The following ALPK3 variants were observed in gnomAD, a reference collection of about 807,000 sequenced individuals.
ALPK3 encodes the protein alpha kinase 3, also known as alpha-protein kinase 3.
In ALPK3, 102 loss-of-function variants were observed where a neutral mutation model predicts 140.0. The observed-to-expected ratio is 0.73, with a 90% CI of 0.62 to 0.86. ALPK3 has a LOEUF of 0.86. Ranked by LOEUF, ALPK3 falls within the 40% of genes least tolerant of loss-of-function variation. The pLI is 0.00. For synonymous variants in ALPK3, 938 were observed against 898.5 expected (o/e 1.04, Z -0.79); for missense variants, 2,254 against 2,208.2 (o/e 1.02, Z -0.42).
intron 5 of ALPK3, among the ~76,000 whole-genome samples, chr15:84,849,119 G>A (rs146243892): frequency 6.6e-5 from 10 of 151,796 alleles, no homozygotes; most frequent in African/African-American, 2.4e-4. Context: ...TCCAGCCTGG[G>A]CAACAAGAGT....
At chr15:84,821,176 G>A (rs1173120018) in intron 1 of ALPK3, among the ~76,000 whole-genome samples, 1 of 152,206 alleles carries the variant, frequency 6.6e-6, no homozygotes, top group African/African-American at 2.4e-5. Flanking sequence ...GGCCCAGCCA[G>A]CAGGGCACAG....
rs926807803 is a variant in ALPK3, at chr15:84,840,165, A to G, written c.886A>G (p.Ile296Val). 5 of 1,613,744 alleles carry G rather than the reference A, an allele frequency of 3.1e-6. No individual in the cohort carries two copies. Among genetic ancestry groups the G allele is most frequent in the Admixed American group, 1.7e-5 (1 of 59,966 alleles). ...EDGEHGLLTY[I>V]CDAMELGPQR... Reference sequence around the variant, plus strand: ...CGGAGAGCATGGCTTGCTGACATACATCTGTGACGCCATGGAGCTGGGGCC... The same window carrying G: ...CGGAGAGCATGGCTTGCTGACATACGTCTGTGACGCCATGGAGCTGGGGCC... Residue 296 changes from isoleucine (I) to valine (V), a missense_variant, in exon 5 of 14, where the codon ATC becomes GTC. Coordinates refer to ENST00000258888, the MANE Select transcript of ALPK3 (RefSeq NM_020778.5).
intron 1 of ALPK3, among the ~76,000 whole-genome samples, chr15:84,818,401 G>A (rs987376352): frequency 1.3e-5 from 2 of 152,212 alleles, no homozygotes; most frequent in African/African-American, 4.8e-5. Context: ...ACAGGCACAC[G>A]TGGACAGGCG....
chr15:84,849,573 C>A (rs549668578), intron 5 of ALPK3, among the ~76,000 whole-genome samples: 12 of 152,112 alleles, frequency 7.9e-5, no homozygotes, highest in African/African-American at 2.7e-4. Context: ...GTACTCTGAC[C>A]AAAATGAAAT....
chr15:84,833,048 T>G (rs1341270709), intron 3 of ALPK3, among the ~76,000 whole-genome samples: 1 of 152,184 alleles, frequency 6.6e-6, no homozygotes, highest in Non-Finnish European at 1.5e-5. Context: ...GGAGCAAGCT[T>G]TTCTGCCACA....
At position 84,859,771 on chromosome 15, in the gene ALPK3, T is replaced by C; in HGVS notation, c.3966-5T>C. ...GCCCTCACGAGTAGGGTCTCCACTC[T>C]GCAGCGCAGGGGATGAGGGGCCGGC... is the stretch of plus-strand genomic sequence containing the variant. On this transcript the variant is annotated splice_region_variant and splice_polypyrimidine_tract_variant and intron_variant, in intron 7 of 13. Transcript: ENST00000258888. 1 of 1,610,712 alleles carries C rather than the reference T, an allele frequency of 6.2e-7. No homozygotes were observed. The highest frequency in any genetic ancestry group is 8.5e-7 in the Non-Finnish European group (1 of 1,179,412).
In ALPK3 at chr15:84,859,893, C is replaced by T. The variant is rs748831518; in HGVS notation, c.4083C>T (p.Leu1361=). ...GCTCGGCCTCCACCGACTTCTGCCT[C>T]AGCCCTGAGGGTGAGTGTGCCCCGC... ...EHGSASTDFC[L]SPEVLSGFIS... Residue 1361 remains leucine (L), a synonymous_variant, in exon 8 of 14, where the codon CTC becomes CTT. Coordinates refer to ENST00000258888, the MANE Select transcript of ALPK3 (RefSeq NM_020778.5). 30 of 1,614,074 alleles carry T rather than the reference C, an allele frequency of 1.9e-5. No individual in the cohort carries two copies. In the African/African-American group the frequency reaches 4.0e-4, roughly 21 times the overall value.
chr15:84,850,539 A>G (rs1490835128), intron 5 of ALPK3, among the ~76,000 whole-genome samples: 1 of 150,630 alleles, frequency 6.6e-6, no homozygotes, highest in Non-Finnish European at 1.5e-5. Flanking sequence ...ATATGCCACC[A>G]CACCTGGCTA....
At chr15:84,863,859 G>A (rs1026019080) in intron 11 of ALPK3, among the ~76,000 whole-genome samples, 4 of 152,168 alleles carry the variant, frequency 2.6e-5, no homozygotes, top group South Asian at 2.1e-4. Flanking sequence ...CTTGAGTCCC[G>A]CCCACCCCGG....
At chr15:84,853,596 A>G (rs986758205) in intron 5 of ALPK3, among the ~76,000 whole-genome samples, 9 of 152,222 alleles carry the variant, frequency 5.9e-5, no homozygotes, top group Non-Finnish European at 1.2e-4. Context: ...CCTGGGTGAC[A>G]GAGCGAGACT....
At chr15:84,823,512 G>C in intron 2 of ALPK3, 144 bp downstream of exon 2, 1 of 921,192 alleles carries the variant, frequency 1.1e-6, no homozygotes, top group Non-Finnish European at 1.7e-6. Flanking sequence ...AGTGCAAGAA[G>C]GTACTCAGGT....
At position 84,856,603 on chromosome 15, in the gene ALPK3, C is replaced by T; in HGVS notation, c.1865C>T (p.Thr622Ile). The part of the protein sequence containing the change: ...ADGKIQVDGR[T>I]RGDGTQTAQR... ...GGGAAGATACAAGTGGATGGAAGGA[C>T]CAGGGGAGATGGAACACAGACAGCC... The change falls in exon 6 of 14, where the codon ACC becomes ATC. Residue 622 changes from threonine to isoleucine, a missense_variant. Physicochemically the swap from Thr to Ile is moderately conservative, Grantham distance 89 (BLOSUM62 -1). Coordinates refer to ENST00000258888, the MANE Select transcript of ALPK3 (RefSeq NM_020778.5). 6.2e-7 allele frequency: 1 copy of T among 1,613,852 alleles called. No individual in the cohort carries two copies. Among genetic ancestry groups the T allele is most frequent in the East Asian group, 2.2e-5 (1 of 44,880 alleles).
intron 12 of ALPK3, among the ~76,000 whole-genome samples, 183 bp downstream of exon 12, chr15:84,864,848 A>G (rs899540136): frequency 1.3e-5 from 2 of 152,214 alleles, no homozygotes; most frequent in Non-Finnish European, 2.9e-5. Flanking sequence ...ACCCTAATAC[A>G]TACCTCATGT....
rs1394204551 is a variant in ALPK3, at chr15:84,839,222, G to T, written c.422+125G>T. The T allele has an allele frequency of 6.1e-6, 5 of 826,312 alleles. No homozygotes were observed. The East Asian group carries it at 1.1e-4, about 18-fold the overall frequency. 51.2% of individuals were successfully genotyped at this position (826,312 alleles called of 1,614,324 possible). A position where few individuals can be genotyped will look rare whatever the true frequency, so the allele number is the denominator to read the frequency against. On this transcript the variant is annotated intron_variant, in intron 4 of 13. Transcript: ENST00000258888. ...GGCACTCTCTGGGGATGGAGGGCAG[G>T]ATTCTGCTGTGTGGTTGAACCACCT...
chr15:84,868,139 C>T lies in ALPK3; in HGVS notation c.4801C>T (p.Pro1601Ser). 6.2e-7 allele frequency: 1 copy of T among 1,613,132 alleles called. No individual in the cohort carries two copies. Among genetic ancestry groups the T allele is most frequent in the Non-Finnish European group, 8.5e-7 (1 of 1,179,294 alleles). ...GYQGLKESCF[P>S]ALLDRFASSH... is the part of the protein sequence containing the mutation. ...CCAGGGCCTCAAGGAAAGCTGCTTCCCTGCCCTGCTGGACCGGTTCGCCTC... is the reference window on the plus strand; with the variant it reads ...CCAGGGCCTCAAGGAAAGCTGCTTCTCTGCCCTGCTGGACCGGTTCGCCTC... The change falls in exon 14 of 14, where the codon CCT becomes TCT. Residue 1601 changes from proline to serine, a missense_variant. Coordinates refer to ENST00000258888, the MANE Select transcript of ALPK3 (RefSeq NM_020778.5).
Position 84,859,877 on chromosome 15 carries a change from C to T in ALPK3, c.4067C>T (p.Ser1356Phe). The change falls in exon 8 of 14, where the codon TCC becomes TTC. Residue 1356 changes from serine to phenylalanine, a missense_variant. Transcript: ENST00000258888. ...CTIHNEHGSASTDFCLSPEVL... is the reference protein window; with the variant it reads ...CTIHNEHGSAFTDFCLSPEVL... Reference sequence around the variant, plus strand: ...ATCCACAATGAGCACGGCTCGGCCTCCACCGACTTCTGCCTCAGCCCTGAG... The same window carrying T: ...ATCCACAATGAGCACGGCTCGGCCTTCACCGACTTCTGCCTCAGCCCTGAG... 2.5e-6 allele frequency: 4 copies of T among 1,614,096 alleles called. No individual in the cohort carries two copies. The highest frequency in any genetic ancestry group is 3.4e-6 in the Non-Finnish European group (4 of 1,180,032).
rs1567092251 is a variant in ALPK3, at chr15:84,850,891, C to CACAG, written c.1654-5498_1654-5497insGACA. ...ACAGTTCCAGATATACACACACACACACACACACACACACACACACACACC... is the reference window on the plus strand; with the variant it reads ...ACAGTTCCAGATATACACACACACACACAGACACACACACACACACACACACACC... On this transcript the variant is annotated intron_variant, in intron 5 of 13. Coordinates refer to ENST00000258888, the MANE Select transcript of ALPK3 (RefSeq NM_020778.5). 9.5e-3 allele frequency among the ~76,000 whole-genome samples: 1,448 copies of CACAG among 151,718 alleles called. 41 individuals carry two copies. The highest frequency in any genetic ancestry group is 0.034 in the African/African-American group (1,395 of 41,318).
rs745355680 is a variant in ALPK3 at position 84,856,623 on chromosome 15, A to G, written c.1885A>G (p.Thr629Ala). ...AAGGACCAGGGGAGATGGAACACAG[A>G]CAGCCCAGAGGACACGTGCAGATAG... is the stretch of plus-strand genomic sequence containing the variant. ...DGRTRGDGTQ[T>A]AQRTRADRKT... The change falls in exon 6 of 14, where the codon ACA becomes GCA. Residue 629 changes from threonine (T) to alanine (A), a missense_variant. Physicochemically the swap from Thr to Ala is moderately conservative, Grantham distance 58. Transcript: ENST00000258888. 20 of 1,614,040 alleles carry G rather than the reference A, an allele frequency of 1.2e-5. No individual in the cohort carries two copies. In the South Asian group the frequency reaches 2.0e-4, roughly 16 times the overall value.
At chr15:84,828,059 C>G (rs1353293714) in intron 3 of ALPK3, among the ~76,000 whole-genome samples, 1 of 152,178 alleles carries the variant, frequency 6.6e-6, no homozygotes, top group Non-Finnish European at 1.5e-5. Context: ...GGCTTGGAGT[C>G]CTGGCTCATC....
Sources: gnomAD v4.1 joint callset for allele counts (sites outside exome capture counted in the v4.1 genomes callset) on GRCh38, gnomAD v4.1.1 for gene constraint, MANE v1.5 for transcripts, NCBI Gene and HGNC (gene_info 2026-07-23, HGNC 2026-07-21) for gene names.